Variants in USP39 observed in about 807,000 individuals in gnomAD.
USP39 encodes the protein ubiquitin carboxyl-terminal hydrolase 39.
USP39 carries 38 observed loss-of-function variants against 66.4 expected under a neutral mutation model. The observed-to-expected ratio is 0.57, with a 90% CI of 0.44 to 0.75. USP39 has a LOEUF of 0.75. Among genes scored for constraint, USP39 ranks in the 30% least tolerant of loss-of-function variants. USP39 has a pLI of 0.00. For missense variants in USP39, 608 were observed against 714.4 expected (o/e 0.85, Z 1.70); for synonymous variants, 303 against 274.6 (o/e 1.10, Z -1.02).
chr2:85,618,369 C>T (rs1482787905), intron 1 of USP39, among the ~76,000 whole-genome samples: 4 of 151,846 alleles, frequency 2.6e-5, no homozygotes. Flanking sequence ...CGAGACCAGC[C>T]TGGCCAACAT....
In USP39 at chr2:85,604,583, T is replaced by C. The variant is rs546138953; in HGVS notation, n.226+1502T>C. On this transcript the variant is annotated intron_variant and non_coding_transcript_variant, in intron 1 of 12. Coordinates refer to the USP39 transcript ENST00000459775. ...GCCAAGAAGTATGGCTGTGTAGTGA[T>C]CACTGTACAAGCACACCTGGCTGAA... Among the ~76,000 whole-genome samples, 169 of 152,306 alleles carry C rather than the reference T, an allele frequency of 1.1e-3. 1 individual carries two copies. The highest frequency in any genetic ancestry group is 3.9e-3 in the African/African-American group (163 of 41,556).
chr2:85,624,293 A>G (rs1435142307), intron 4 of USP39, among the ~76,000 whole-genome samples: 1 of 150,868 alleles, frequency 6.6e-6, no homozygotes, highest in Non-Finnish European at 1.5e-5. Context: ...TTTGATTATT[A>G]TTTTCCTTTT....
At chr2:85,626,689 G>T (rs537582789) in intron 5 of USP39, among the ~76,000 whole-genome samples, 1 of 152,000 alleles carries the variant, frequency 6.6e-6, no homozygotes, top group South Asian at 2.1e-4. Context: ...CCTGAAATTG[G>T]AAAGGCAGAA....
upstream of USP39, among the ~76,000 whole-genome samples, chr2:85,614,979 AGTGTGGTGTGGTGTG>A (rs146502279): frequency 6.4e-3 from 928 of 145,056 alleles, 6 homozygotes; most frequent in Middle Eastern, 0.01. Context: ...AATTGCACAC[AGTGTGGTGTGGTGTG>A]GTGTGGTGTG....
At chr2:85,626,077 C>A (rs566021596) in intron 5 of USP39, among the ~76,000 whole-genome samples, 4 of 147,638 alleles carry the variant, frequency 2.7e-5, no homozygotes, top group Non-Finnish European at 6.0e-5. Context: ...TTACTGCCTT[C>A]GGCCAGGCGC....
chr2:85,611,444 C>A, upstream of USP39: 18 of 1,525,576 alleles, frequency 1.2e-5, no homozygotes, highest in Middle Eastern at 5.5e-4. Context: ...TTCTTGCTGG[C>A]TCCCCGATAC....
At chr2:85,646,918 C>G (rs1469721213) in intron 11 of USP39, among the ~76,000 whole-genome samples, 1 of 138,610 alleles carries the variant, frequency 7.2e-6, no homozygotes, top group Non-Finnish European at 1.5e-5. Flanking sequence ...GACAGAGTCT[C>G]ACCCTATCAC....
At chr2:85,618,302 G>A (rs1288936787) in intron 1 of USP39, among the ~76,000 whole-genome samples, 2 of 150,546 alleles carry the variant, frequency 1.3e-5, no homozygotes, top group East Asian at 2.1e-4. Flanking sequence ...AGTGGCTCAC[G>A]CCTGTAATCC....
At chr2:85,644,347 A>G (rs997903288) in intron 10 of USP39, among the ~76,000 whole-genome samples, 4 of 152,152 alleles carry the variant, frequency 2.6e-5, no homozygotes, top group African/African-American at 9.7e-5. Flanking sequence ...CCAAAATGAT[A>G]TATTTTTCCT....
At chr2:85,626,949 A>G (rs1161522628) in intron 5 of USP39, among the ~76,000 whole-genome samples, 2 of 152,074 alleles carry the variant, frequency 1.3e-5, no homozygotes, top group Non-Finnish European at 2.9e-5. Context: ...GGGTTTCACC[A>G]TTTTGGCCAG....
upstream of USP39, chr2:85,611,937 C>T: frequency 1.3e-6 from 2 of 1,585,638 alleles, no homozygotes; most frequent in Non-Finnish European, 1.7e-6. Flanking sequence ...CCAGCCGCCC[C>T]CCAGGCTTGC....
intron 2 of USP39, among the ~76,000 whole-genome samples, chr2:85,619,770 G>A (rs72923039): frequency 0.075 from 11,446 of 151,752 alleles, 1,458 homozygotes; most frequent in African/African-American, 0.26. Flanking sequence ...GGTGGCCCAC[G>A]CCTTTACTCA....
At chr2:85,603,364 C>T (rs531406471) in intron 1 of USP39, among the ~76,000 whole-genome samples, 1 of 152,168 alleles carries the variant, frequency 6.6e-6, no homozygotes, top group African/African-American at 2.4e-5. Context: ...AATAAGACGG[C>T]AGAGACCAGA....
upstream of USP39, chr2:85,609,483 T>C (rs1673362995): frequency 3.7e-6 from 6 of 1,614,114 alleles, no homozygotes; most frequent in Non-Finnish European, 5.1e-6. Flanking sequence ...CCTCGTATTC[T>C]AAGCAGAAGA....
upstream of USP39, chr2:85,611,579 G>A (rs533742631): frequency 3.2e-6 from 5 of 1,551,406 alleles, no homozygotes; most frequent in Admixed American, 9.8e-5. Context: ...TGAACCTTAG[G>A]AGTAAGAAGT....
rs59675414 is a variant in USP39 at position 85,643,217 on chromosome 2, A to G, written c.1428-1731A>G. Among the ~76,000 whole-genome samples the G allele has an allele frequency of 4.2e-3, 638 of 152,264 alleles. 30 individuals carry two copies. In the East Asian group the frequency reaches 0.099, roughly 24 times the overall value. ...GTATAAAGACTTCTCCAAACCAGGCACGGTGGCTCACACCTGTAATCCCAG... is the reference window on the plus strand; with the variant it reads ...GTATAAAGACTTCTCCAAACCAGGCGCGGTGGCTCACACCTGTAATCCCAG... On this transcript the variant is annotated intron_variant, in intron 10 of 12. Coordinates refer to ENST00000323701, the MANE Select transcript of USP39 (RefSeq NM_006590.4).
Position 85,622,884 on chromosome 2 carries a change from G to C in USP39, c.434-762G>C, listed in dbSNP as rs550754989. On this transcript the variant is annotated intron_variant, in intron 3 of 12. Coordinates refer to ENST00000323701, the MANE Select transcript of USP39 (RefSeq NM_006590.4). ...ATAGCAAGACCCTGTCTCAAAAAAA[G>C]AGATAAAAACTGTATTCTTTGCTCT... is the stretch of plus-strand genomic sequence containing the variant. 2.0e-5 allele frequency among the ~76,000 whole-genome samples: 3 copies of C among 152,260 alleles called. No homozygotes were observed. In the East Asian group the frequency reaches 5.8e-4, roughly 29 times the overall value.
chr2:85,640,863 C>T, intron 9 of USP39, 113 bp from the exon 10 acceptor site: 1 of 806,342 alleles, frequency 1.2e-6, no homozygotes, highest in Non-Finnish European at 1.8e-6. Context: ...GTCTTGTGAA[C>T]TTAAGTGTGA....
In USP39 at chr2:85,641,240, A is replaced by G. The variant is rs1676213136; in HGVS notation, c.1427+122A>G. ...GGATTACAAGGAACAGAGCCTACCTACAGTAGATAAGAGTTTTTATTGGAA... is the reference window on the plus strand; with the variant it reads ...GGATTACAAGGAACAGAGCCTACCTGCAGTAGATAAGAGTTTTTATTGGAA... On this transcript the variant is annotated intron_variant, in intron 10 of 12. Transcript: ENST00000323701. 9 of 1,199,252 alleles carry G rather than the reference A, an allele frequency of 7.5e-6. No homozygotes were observed. In the South Asian group the frequency reaches 9.9e-5, roughly 13 times the overall value. 74.3% of individuals were successfully genotyped at this position (1,199,252 alleles called of 1,614,324 possible).
Sources: gnomAD v4.1 joint callset for allele counts (sites outside exome capture counted in the v4.1 genomes callset) on GRCh38, gnomAD v4.1.1 for gene constraint, MANE v1.5 for transcripts, NCBI Gene and HGNC (gene_info 2026-07-23, HGNC 2026-07-21) for gene names.